Variants in ADORA2B observed in about 807,000 individuals in gnomAD.
The protein encoded by ADORA2B is adenosine receptor A2b.
ADORA2B carries 18 observed loss-of-function variants against 20.8 expected under a neutral mutation model. The observed-to-expected ratio is 0.87, with a 90% CI of 0.60 to 1.29. The LOEUF (loss-of-function observed/expected upper bound fraction) is 1.29. Ranked by LOEUF, ADORA2B falls within the 50% of genes most tolerant of loss-of-function variation. The pLI is 0.00. For missense variants in ADORA2B, 441 were observed against 422.7 expected (o/e 1.04, Z -0.38); for synonymous variants, 179 against 178.3 (o/e 1.00, Z -0.03).
intron 1 of ADORA2B, among the ~76,000 whole-genome samples, chr17:15,966,640 T>C (rs2151606284): frequency 6.6e-6 from 1 of 152,330 alleles, no homozygotes; most frequent in South Asian, 2.1e-4. Flanking sequence ...TTTCTGTCAA[T>C]CTCCTTAGCT....
the ADORA2B span, among the ~76,000 whole-genome samples, chr17:15,916,274 C>T: frequency 6.6e-6 from 1 of 152,208 alleles, no homozygotes; most frequent in African/African-American, 2.4e-5. Flanking sequence ...CAGCTTTGTG[C>T]TACTGCAGCT....
chr17:15,888,293 G>C, the ADORA2B span, among the ~76,000 whole-genome samples: 2 of 129,672 alleles, frequency 1.5e-5, no homozygotes, highest in Admixed American at 1.5e-4. Flanking sequence ...ACTGCCATCT[G>C]CTCCTTGGTC....
At chr17:15,858,912 G>A in the ADORA2B span, 1 of 152,346 alleles carries the variant, frequency 6.6e-6, no homozygotes, top group East Asian at 1.9e-4. Flanking sequence ...CAGCAGTGCA[G>A]CTGACACAAG....
At chr17:15,901,020 G>A in the ADORA2B span, among the ~76,000 whole-genome samples, 1 of 152,182 alleles carries the variant, frequency 6.6e-6, no homozygotes. Flanking sequence ...CATGAAGGTT[G>A]TTGCTCACTG....
the ADORA2B span, among the ~76,000 whole-genome samples, chr17:15,931,146 A>G: frequency 2.0e-5 from 3 of 152,168 alleles, no homozygotes; most frequent in Admixed American, 6.5e-5. Context: ...GCAAGGCCCC[A>G]TCTCTACAAA....
chr17:15,964,864 A>G (rs550119729), intron 1 of ADORA2B, among the ~76,000 whole-genome samples: 8 of 151,960 alleles, frequency 5.3e-5, no homozygotes, highest in Non-Finnish European at 8.8e-5. Flanking sequence ...GATCGAGACC[A>G]TCCTGGCTAA....
the ADORA2B span, among the ~76,000 whole-genome samples, chr17:15,929,471 G>A: frequency 6.6e-6 from 1 of 152,282 alleles, no homozygotes; most frequent in African/African-American, 2.4e-5. Flanking sequence ...TTCATGAGGG[G>A]CTGCCCTGGC....
chr17:15,871,713 C>T, the ADORA2B span, among the ~76,000 whole-genome samples: 2 of 152,136 alleles, frequency 1.3e-5, no homozygotes, highest in Non-Finnish European at 2.9e-5. Flanking sequence ...GAGCTTCCCT[C>T]ATTAATTAAT....
the ADORA2B span, among the ~76,000 whole-genome samples, chr17:15,860,638 C>T: frequency 2.0e-5 from 3 of 152,212 alleles, no homozygotes; most frequent in African/African-American, 7.2e-5. Context: ...GCATATAGAT[C>T]CTATAAAGGA....
chr17:15,931,654 A>G, the ADORA2B span, among the ~76,000 whole-genome samples: 76 of 152,318 alleles, frequency 5.0e-4, no homozygotes, highest in East Asian at 0.013. Flanking sequence ...GTTACAAGCT[A>G]TGTGACTTGC....
the ADORA2B span, among the ~76,000 whole-genome samples, chr17:15,895,473 G>A: frequency 9.8e-3 from 1,489 of 152,250 alleles, 11 homozygotes; most frequent in Non-Finnish European, 0.016. Context: ...GCAGGCGGTT[G>A]CACAGCAAAT....
the ADORA2B span, among the ~76,000 whole-genome samples, chr17:15,919,538 C>G: frequency 6.6e-6 from 1 of 152,190 alleles, no homozygotes; most frequent in Non-Finnish European, 1.5e-5. Flanking sequence ...ATGTCTGTTT[C>G]CCACCCTCAA....
At chr17:15,924,672 G>A in the ADORA2B span, among the ~76,000 whole-genome samples, 2 of 152,004 alleles carry the variant, frequency 1.3e-5, no homozygotes, top group Admixed American at 6.6e-5. Context: ...CCCAGGAGGT[G>A]GAGCTTGCAG....
the ADORA2B span, among the ~76,000 whole-genome samples, chr17:15,883,393 T>C: frequency 6.6e-6 from 1 of 152,204 alleles, no homozygotes; most frequent in East Asian, 1.9e-4. Context: ...TCTCTCCACA[T>C]AGGCCAGGAA....
chr17:15,871,755 C>T, the ADORA2B span, among the ~76,000 whole-genome samples: 21 of 152,248 alleles, frequency 1.4e-4, no homozygotes, highest in South Asian at 2.1e-4. Context: ...TAAACGTGCC[C>T]GTGACTGCTG....
the ADORA2B span, among the ~76,000 whole-genome samples, chr17:15,869,213 G>A: frequency 6.6e-6 from 1 of 151,606 alleles, no homozygotes; most frequent in East Asian, 1.9e-4. Context: ...CCAGCTACTC[G>A]GGAGGCTGAG....
chr17:15,890,268 C>T, the ADORA2B span, among the ~76,000 whole-genome samples: 2 of 128,756 alleles, frequency 1.6e-5, 1 homozygote, highest in Non-Finnish European at 3.3e-5. Flanking sequence ...TCTTTTCGTA[C>T]ATTTCAGACT....
At chr17:15,952,465 C>T (rs1044799556) in intron 1 of ADORA2B, among the ~76,000 whole-genome samples, 2 of 152,070 alleles carry the variant, frequency 1.3e-5, no homozygotes, top group Non-Finnish European at 2.9e-5. Flanking sequence ...ACACGGAAGC[C>T]GGGACTGAGG....
the ADORA2B span, among the ~76,000 whole-genome samples, chr17:15,882,629 C>T: frequency 6.6e-6 from 1 of 152,130 alleles, no homozygotes; most frequent in African/African-American, 2.4e-5. Context: ...TTCTGGCTTT[C>T]CAGCGTCATT....
Sources: gnomAD v4.1 joint callset for allele counts (sites outside exome capture counted in the v4.1 genomes callset) on GRCh38, gnomAD v4.1.1 for gene constraint, MANE v1.5 for transcripts, NCBI Gene and HGNC (gene_info 2026-07-23, HGNC 2026-07-21) for gene names.